Variants in PLCB1 observed in about 807,000 individuals in gnomAD.
The protein encoded by PLCB1 is 1-phosphatidylinositol 4,5-bisphosphate phosphodiesterase beta-1.
In PLCB1, 46 loss-of-function variants were observed where a neutral mutation model predicts 161.8. The ratio of observed to expected loss-of-function variants is 0.28; its 90% confidence interval spans 0.22 to 0.36. The LOEUF (loss-of-function observed/expected upper bound fraction) is 0.36. Among genes scored for constraint, PLCB1 ranks in the 10% least tolerant of loss-of-function variants. The pLI is 1.00. For synonymous variants in PLCB1, 517 were observed against 503.7 expected, an observed-to-expected ratio of 1.03 and a Z score of -0.35; for missense variants, 1,016 against 1,472.5, an observed-to-expected ratio of 0.69 and a Z score of 5.07.
chr20:8,184,942 G>GC (rs928090322), intron 2 of PLCB1, among the ~76,000 whole-genome samples: 1 of 151,408 alleles, frequency 6.6e-6, no homozygotes, highest in African/African-American at 2.4e-5. Context: ...CCCTCCCCTA[G>GC]CCCCCCACTC....
intron 3 of PLCB1, among the ~76,000 whole-genome samples, chr20:8,376,763 C>T (rs1056170012): frequency 6.6e-6 from 1 of 151,996 alleles, no homozygotes; most frequent in Middle Eastern, 3.4e-3. Flanking sequence ...CCCGTCTCTA[C>T]TAAAAATACA....
Position 8,716,325 on chromosome 20 carries a change from A to G in PLCB1, c.1312A>G (p.Met438Val), listed in dbSNP as rs987490448. The G allele has an allele frequency of 1.9e-6, 3 of 1,613,686 alleles. No homozygotes were observed. The highest frequency in any genetic ancestry group is 3.3e-5 in the Admixed American group (2 of 59,998). The change falls in exon 13 of 32, where the codon ATG becomes GTG. Residue 438 changes from methionine to valine, a missense_variant. Physicochemically the swap from Met to Val is conservative, Grantham distance 21. Coordinates refer to ENST00000338037, the MANE Select transcript of PLCB1 (RefSeq NM_015192.4). The stretch of plus-strand genomic sequence containing the variant: ...ACTGATCTTTGGGGATGCCCTTCTC[A>G]TGGAGCCCCTGGAAAAATATCCAGT... ...CRLIFGDALL[M>V]EPLEKYPLES...
At chr20:8,206,118 A>G (rs971196809) in intron 2 of PLCB1, among the ~76,000 whole-genome samples, 15 of 152,184 alleles carry the variant, frequency 9.9e-5, no homozygotes, top group African/African-American at 2.9e-4. Context: ...TTGCAAATCC[A>G]GTTTTGACCT....
At chr20:8,372,903 G>A (rs144763891) in intron 3 of PLCB1, among the ~76,000 whole-genome samples, 2 of 152,272 alleles carry the variant, frequency 1.3e-5, no homozygotes, top group East Asian at 1.9e-4. Flanking sequence ...TCAGAGCCCT[G>A]TTTGTCCCCA....
At chr20:8,515,247 C>T (rs1411566023) in intron 3 of PLCB1, among the ~76,000 whole-genome samples, 1 of 152,166 alleles carries the variant, frequency 6.6e-6, no homozygotes, top group African/African-American at 2.4e-5. Flanking sequence ...AATTATAGAG[C>T]TGTTTCAGTA....
chr20:8,492,055 T>G (rs1348549997), intron 3 of PLCB1, among the ~76,000 whole-genome samples: 1 of 152,172 alleles, frequency 6.6e-6, no homozygotes, highest in Non-Finnish European at 1.5e-5. Context: ...AATTAGTATA[T>G]ATATTCTTGG....
chr20:8,679,286 A>G (rs970425711), intron 9 of PLCB1, among the ~76,000 whole-genome samples: 1 of 152,214 alleles, frequency 6.6e-6, no homozygotes, highest in African/African-American at 2.4e-5. Context: ...TAATAGATAA[A>G]GGGATCCGAA....
At chr20:8,505,997 G>T (rs554356512) in intron 3 of PLCB1, among the ~76,000 whole-genome samples, 1 of 152,180 alleles carries the variant, frequency 6.6e-6, no homozygotes, top group Non-Finnish European at 1.5e-5. Context: ...TTTTCTGAAT[G>T]TAAGTTTCAG....
chr20:8,262,009 C>T (rs113596657), intron 2 of PLCB1, among the ~76,000 whole-genome samples: 2 of 152,106 alleles, frequency 1.3e-5, no homozygotes, highest in African/African-American at 4.8e-5. Context: ...TTCTTGATGG[C>T]AGCTGGGGAT....
At chr20:8,336,196 A>G (rs1480887513) in intron 2 of PLCB1, among the ~76,000 whole-genome samples, 1 of 152,244 alleles carries the variant, frequency 6.6e-6, no homozygotes, top group Non-Finnish European at 1.5e-5. Context: ...CAAACAACAC[A>G]TTTAAAAATT....
intron 24 of PLCB1, 81 bp downstream of exon 24, chr20:8,757,259 G>T: frequency 2.8e-6 from 4 of 1,418,014 alleles, no homozygotes; most frequent in Non-Finnish European, 3.8e-6. Flanking sequence ...GCTGTGATGT[G>T]GGTAGCTAAA....
At chr20:8,473,236 T>C (rs1982130391) in intron 3 of PLCB1, among the ~76,000 whole-genome samples, 1 of 152,212 alleles carries the variant, frequency 6.6e-6, no homozygotes, top group Non-Finnish European at 1.5e-5. Context: ...TTTGCTTTTT[T>C]ATATTTACAG....
chr20:8,281,639 G>A (rs1982879170), intron 2 of PLCB1, among the ~76,000 whole-genome samples: 1 of 152,106 alleles, frequency 6.6e-6, no homozygotes, highest in Admixed American at 6.5e-5. Flanking sequence ...CTTGCATGAA[G>A]ATGTTTTCTA....
At chr20:8,755,624 C>T (rs572349387) in intron 23 of PLCB1, among the ~76,000 whole-genome samples, 10 of 152,168 alleles carry the variant, frequency 6.6e-5, no homozygotes, top group East Asian at 1.9e-4. Context: ...TGGAGGGTGT[C>T]GAATGAAGAT....
intron 3 of PLCB1, among the ~76,000 whole-genome samples, chr20:8,551,537 G>A (rs558696190): frequency 6.6e-6 from 1 of 152,040 alleles, no homozygotes; most frequent in Non-Finnish European, 1.5e-5. Context: ...TCCCATACCT[G>A]CATCCCTTTA....
At chr20:8,672,972 C>T (rs1404329567) in intron 9 of PLCB1, among the ~76,000 whole-genome samples, 1 of 151,966 alleles carries the variant, frequency 6.6e-6, no homozygotes, top group Non-Finnish European at 1.5e-5. Context: ...ATTAGCCTAG[C>T]ATGGTGATGC....
Position 8,132,637 on chromosome 20 carries a change from C to T in PLCB1, c.-15C>T. The T allele has an allele frequency of 6.3e-7, 1 of 1,594,992 alleles. No individual in the cohort carries two copies. Among genetic ancestry groups the T allele is most frequent in the Non-Finnish European group, 8.6e-7 (1 of 1,168,180 alleles). On this transcript the variant is annotated 5_prime_UTR_variant, in exon 1 of 32. Coordinates refer to ENST00000338037, the MANE Select transcript of PLCB1 (RefSeq NM_015192.4). This position sits in a 1 kb window ranked among gnomAD's most constrained non-coding sequence, Gnocchi z 5.2. ...CCGCGCTCGCCCGGGCCGCCCGGAG[C>T]CCAGATGAGCCCAGATGGCCGGGGC...
chr20:8,266,445 A>G (rs183730284), intron 2 of PLCB1, among the ~76,000 whole-genome samples: 23 of 152,332 alleles, frequency 1.5e-4, no homozygotes, highest in Admixed American at 7.2e-4. Context: ...AGCAAAAAGA[A>G]AGCATAAATG....
intron 31 of PLCB1, among the ~76,000 whole-genome samples, chr20:8,861,040 G>A (rs1161636605): frequency 6.6e-6 from 1 of 152,156 alleles, no homozygotes; most frequent in Non-Finnish European, 1.5e-5. Context: ...ATATTTTAGG[G>A]TAGTGGAAGA....
Sources: gnomAD v4.1 joint callset for allele counts (sites outside exome capture counted in the v4.1 genomes callset) on GRCh38, gnomAD v4.1.1 for gene constraint, Gnocchi (gnomAD v3.1) non-coding constraint, MANE v1.5 for transcripts, NCBI Gene and HGNC (gene_info 2026-07-23, HGNC 2026-07-21) for gene names.